The following NFATC3 variants were observed in gnomAD, a reference collection of about 807,000 sequenced individuals.
NFATC3 encodes nuclear factor of activated T cells 3.
Under a neutral mutation model 98.6 loss-of-function variants are expected in NFATC3, and 46 were observed. The observed-to-expected ratio is 0.47, with a 90% CI of 0.37 to 0.60. The LOEUF (loss-of-function observed/expected upper bound fraction) is 0.60, where lower values mean the gene tolerates loss of function less well. NFATC3 is among the 20% of genes least tolerant of loss of function. The probability of loss-of-function intolerance (pLI) is 0.00; values close to 1 mark genes in which losing one functional copy is unlikely to be tolerated. For missense variants in NFATC3, 1,256 were observed against 1,295.5 expected (o/e 0.97, Z 0.47); for synonymous variants, 512 against 472.2 (o/e 1.08, Z -1.09).
intron 1 of NFATC3, among the ~76,000 whole-genome samples, chr16:68,112,900 A>G (rs1431830453): frequency 6.6e-6 from 1 of 151,302 alleles, no homozygotes; most frequent in African/African-American, 2.4e-5. Context: ...TTGTGGTTGT[A>G]TTGTGAAGCT....
At chr16:68,140,037 C>A (rs2037665614) in intron 3 of NFATC3, among the ~76,000 whole-genome samples, 1 of 152,092 alleles carries the variant, frequency 6.6e-6, no homozygotes, top group Middle Eastern at 3.2e-3. Flanking sequence ...CATTCTGTCA[C>A]CCAGGCTGGA....
At chr16:68,111,911 G>T (rs1046202217) in intron 1 of NFATC3, among the ~76,000 whole-genome samples, 6 of 152,132 alleles carry the variant, frequency 3.9e-5, no homozygotes, top group Non-Finnish European at 8.8e-5. Flanking sequence ...TGACATTTGG[G>T]TTGGAAATTC....
At chr16:68,217,214 T>C (rs905862287) in intron 9 of NFATC3, among the ~76,000 whole-genome samples, 3 of 152,100 alleles carry the variant, frequency 2.0e-5, no homozygotes, top group Non-Finnish European at 4.4e-5. Flanking sequence ...GGCAGATTGC[T>C]TGAGCCCAGG....
rs2039270785 is a variant in NFATC3 at position 68,167,810 on chromosome 16, C to CCT, written c.1774+795_1774+796insCT. On this transcript the variant is annotated intron_variant, in intron 5 of 9. Transcript: ENST00000346183. ...TTTATATCTGTTAACCGTATGTGTTCTTTTTTTTTTTTTTTTTTTTTTTTT... is the reference window on the plus strand; with the variant it reads ...TTTATATCTGTTAACCGTATGTGTTCCTTTTTTTTTTTTTTTTTTTTTTTTTT... Among the ~76,000 whole-genome samples, 4 of 23,898 alleles carry CCT rather than the reference C, an allele frequency of 1.7e-4. No individual in the cohort carries two copies. The East Asian group carries it at 5.6e-3, about 34-fold the overall frequency. 15.7% of individuals were successfully genotyped at this position (23,898 alleles called of 152,430 possible). A position where few individuals can be genotyped will look rare whatever the true frequency, so the allele number is the denominator to read the frequency against.
intron 5 of NFATC3, among the ~76,000 whole-genome samples, chr16:68,167,977 C>T (rs1209704288): frequency 2.0e-5 from 3 of 150,644 alleles, no homozygotes; most frequent in Admixed American, 6.6e-5. Context: ...GGATTACAGG[C>T]ACCCGCCACC....
chr16:68,183,222 C>T lies in NFATC3; in HGVS notation c.1972-18C>T, dbSNP rs2040021514. On this transcript the variant is annotated intron_variant, in intron 7 of 9. Coordinates refer to ENST00000346183, the MANE Select transcript of NFATC3 (RefSeq NM_173165.3). ...TTTTTAGTTCTGAGTGTAACACAAT[C>T]TTGCTTTCCATCCTTAGGCTCACAT... 6.4e-7 allele frequency: 1 copy of T among 1,562,542 alleles called. No homozygotes were observed. Among genetic ancestry groups the T allele is most frequent in the Non-Finnish European group, 8.6e-7 (1 of 1,161,374 alleles).
In NFATC3 at chr16:68,088,969, T is replaced by G. The variant is rs4494530; in HGVS notation, c.103+3185T>G. 0.014 allele frequency: 13,756 copies of G among 985,354 alleles called. 820 individuals are homozygous for G. The African/African-American group carries it at 0.16, about 12-fold the overall frequency. 61.0% of individuals were successfully genotyped at this position (985,354 alleles called of 1,614,324 possible). On this transcript the variant is annotated intron_variant, in intron 1 of 9. Transcript: ENST00000346183. ...TGAGCCACTGCACATAGCCCCTATA[T>G]TTTGTTAAATAAGTGAATAAATAAC...
intron 1 of NFATC3, among the ~76,000 whole-genome samples, chr16:68,110,078 C>G (rs1409076969): frequency 1.3e-5 from 2 of 152,100 alleles, no homozygotes; most frequent in Non-Finnish European, 2.9e-5. Flanking sequence ...GATCTTGGCT[C>G]ACTGCAACCT....
At chr16:68,213,460 T>TA (rs112296432) in intron 9 of NFATC3, among the ~76,000 whole-genome samples, 6,095 of 147,362 alleles carry the variant, frequency 0.041, 363 homozygotes, top group African/African-American at 0.14. Context: ...AAATAAAAAT[T>TA]AAAAAAAAAA....
intron 4 of NFATC3, among the ~76,000 whole-genome samples, chr16:68,163,487 C>T (rs1446293793): frequency 4.9e-5 from 7 of 142,742 alleles, no homozygotes; most frequent in South Asian, 2.3e-4. Flanking sequence ...GCTGGCTGGG[C>T]GGGGGGCTGA....
At chr16:68,175,890 T>C (rs1407961713) in intron 6 of NFATC3, among the ~76,000 whole-genome samples, 1 of 152,198 alleles carries the variant, frequency 6.6e-6, no homozygotes, top group Non-Finnish European at 1.5e-5. Context: ...TAACAAATAC[T>C]TAAACCTACT....
chr16:68,221,680 C>T (rs562823001), intron 9 of NFATC3: 20 of 730,272 alleles, frequency 2.7e-5, no homozygotes, highest in East Asian at 2.5e-4. Context: ...GAGTATAGTC[C>T]GCTTGAGCAC....
chr16:68,195,381 G>C (rs916416161), intron 9 of NFATC3, among the ~76,000 whole-genome samples: 3 of 149,398 alleles, frequency 2.0e-5, no homozygotes, highest in African/African-American at 7.3e-5. Flanking sequence ...AATTACAGAG[G>C]GGGAAGAGCA....
intron 3 of NFATC3, among the ~76,000 whole-genome samples, chr16:68,145,802 A>T (rs918579099): frequency 6.6e-6 from 1 of 152,194 alleles, no homozygotes; most frequent in Non-Finnish European, 1.5e-5. Flanking sequence ...AAAATTGCAT[A>T]AAACTATATA....
At position 68,113,354 on chromosome 16, in the gene NFATC3, G is replaced by A. The variant is rs529792541; in HGVS notation, c.104-8633G>A. The stretch of plus-strand genomic sequence containing the variant: ...TAAGGCCCCTCTTCCATAGGGTAGG[G>A]CTGCTGCAGTTTACTAGGGGACCAC... On this transcript the variant is annotated intron_variant, in intron 1 of 9. Transcript: ENST00000346183. 2.6e-5 allele frequency among the ~76,000 whole-genome samples: 4 copies of A among 152,270 alleles called. No homozygotes were observed. The South Asian group carries it at 8.3e-4, about 32-fold the overall frequency.
intron 3 of NFATC3, among the ~76,000 whole-genome samples, chr16:68,157,652 CA>C (rs2038689167): frequency 6.6e-6 from 1 of 152,082 alleles, no homozygotes; most frequent in East Asian, 1.9e-4. Context: ...AAACCAAACC[CA>C]CATTCCTTTA....
intron 3 of NFATC3, among the ~76,000 whole-genome samples, chr16:68,153,124 C>T (rs1317973626): frequency 6.6e-6 from 1 of 152,174 alleles, no homozygotes; most frequent in African/African-American, 2.4e-5. Context: ...AAACTGGGTA[C>T]CGTGGCTCAC....
intron 4 of NFATC3, among the ~76,000 whole-genome samples, chr16:68,160,478 A>G (rs2038840027): frequency 6.6e-6 from 1 of 152,128 alleles, no homozygotes; most frequent in South Asian, 2.1e-4. Context: ...ACAAAAAACA[A>G]AAAACCTTAT....
intron 6 of NFATC3, among the ~76,000 whole-genome samples, chr16:68,179,185 CTTCT>C (rs1336836905): frequency 6.6e-6 from 1 of 152,192 alleles, no homozygotes; most frequent in African/African-American, 2.4e-5. Flanking sequence ...GGAAGCCTTC[CTTCT>C]CTCACTACCC....
Sources: allele counts gnomAD v4.1 joint callset (sites outside exome capture counted in the v4.1 genomes callset), GRCh38; gene constraint gnomAD v4.1.1; transcripts MANE v1.5; gene names NCBI Gene and HGNC (gene_info 2026-07-23, HGNC 2026-07-21).